ATF7IP: variants seen among roughly 807,000 people sequenced by gnomAD.
The protein encoded by ATF7IP is activating transcription factor 7-interacting protein 1.
In ATF7IP, 23 loss-of-function variants were observed where a neutral mutation model predicts 106.4. That is an observed-to-expected ratio of 0.22 (90% confidence interval 0.16 to 0.31). The LOEUF (loss-of-function observed/expected upper bound fraction) is 0.31, where lower values mean the gene tolerates loss of function less well. Ranked by LOEUF, ATF7IP falls within the 10% of genes least tolerant of loss-of-function variation. ATF7IP has a pLI of 1.00. For synonymous variants in ATF7IP, 542 were observed against 539.0 expected, an observed-to-expected ratio of 1.01 and a Z score of -0.08; for missense variants, 1,334 against 1,524.3, an observed-to-expected ratio of 0.88 and a Z score of 2.08.
At chr12:14,413,813 G>A (rs1479874908) in intron 1 of ATF7IP, among the ~76,000 whole-genome samples, 1 of 151,934 alleles carries the variant, frequency 6.6e-6, no homozygotes, top group Non-Finnish European at 1.5e-5. Flanking sequence ...AATTTATAAG[G>A]CATGGTTGGG....
At chr12:14,416,818 G>A (rs915079979) in intron 1 of ATF7IP, 11 of 705,848 alleles carry the variant, frequency 1.6e-5, no homozygotes, top group African/African-American at 1.6e-4. Flanking sequence ...AGACTATTTC[G>A]GCTTTGAGCC....
chr12:14,474,762 T>C (rs901757003), intron 10 of ATF7IP, among the ~76,000 whole-genome samples: 1 of 152,198 alleles, frequency 6.6e-6, no homozygotes, highest in African/African-American at 2.4e-5. Flanking sequence ...CTGGCTCTGC[T>C]TAGAGTCAGT....
intron 1 of ATF7IP, among the ~76,000 whole-genome samples, chr12:14,374,272 A>ATTTTTTT (rs563859251): frequency 9.5e-6 from 1 of 105,444 alleles, no homozygotes; most frequent in African/African-American, 3.5e-5. Context: ...TAATTTTGTA[A>ATTTTTTT]TTTTTTTTTT....
At chr12:14,430,614 A>T (rs555089371) in intron 2 of ATF7IP, among the ~76,000 whole-genome samples, 1 of 152,048 alleles carries the variant, frequency 6.6e-6, no homozygotes, top group Non-Finnish European at 1.5e-5. Context: ...ATAGTTCCTT[A>T]TCTGTGAATT....
chr12:14,469,777 GA>G (rs897071286), intron 10 of ATF7IP, among the ~76,000 whole-genome samples: 2 of 152,110 alleles, frequency 1.3e-5, no homozygotes, highest in African/African-American at 4.8e-5. Flanking sequence ...GAGCAACAGG[GA>G]AAAAAATTTG....
At chr12:14,390,230 A>G (rs1041693088) in intron 1 of ATF7IP, among the ~76,000 whole-genome samples, 3 of 152,318 alleles carry the variant, frequency 2.0e-5, no homozygotes, top group South Asian at 2.1e-4. Context: ...CATAAGTAAA[A>G]TTTAGCCTAC....
intron 12 of ATF7IP, among the ~76,000 whole-genome samples, 177 bp downstream of exon 12, chr12:14,478,649 G>A (rs1012679463): frequency 1.3e-5 from 2 of 151,986 alleles, no homozygotes; most frequent in Non-Finnish European, 2.9e-5. Context: ...CTTAAGCAGC[G>A]GCACTGGTAA....
Position 14,446,970 on chromosome 12 carries a change from CTT to C in ATF7IP, c.1930-5_1930-4del, listed in dbSNP as rs5796595. 1,718 of 1,212,280 alleles carry C rather than the reference CTT, an allele frequency of 1.4e-3. No homozygotes were observed. The highest frequency in any genetic ancestry group is 3.3e-3 in the South Asian group (181 of 54,170). The allele number at this position is 1,212,280 out of a possible 1,614,324, so 75.1% of individuals were successfully genotyped here. On this transcript the variant is annotated splice_polypyrimidine_tract_variant and intron_variant, in intron 5 of 14. Coordinates refer to ENST00000261168, the MANE Select transcript of ATF7IP (RefSeq NM_018179.5). Reference sequence around the variant, plus strand: ...CTATTTGATTTCCATTCATTTTTGTCTTTTTTTTTTTTTTCAGGCCAAGATAG... The same window carrying C: ...CTATTTGATTTCCATTCATTTTTGTCTTTTTTTTTTTTCAGGCCAAGATAG...
chr12:14,482,755 C>T (rs1944471355), intron 13 of ATF7IP: 1 of 152,182 alleles, frequency 6.6e-6, no homozygotes, highest in South Asian at 2.1e-4. Context: ...TCAGTGTTAA[C>T]CATCACAAGT....
chr12:14,393,506 A>G (rs750511208), intron 1 of ATF7IP, among the ~76,000 whole-genome samples: 2 of 151,702 alleles, frequency 1.3e-5, no homozygotes, highest in African/African-American at 4.8e-5. Context: ...TTTATCATTG[A>G]TAACCTAGAT....
chr12:14,484,381 C>T (rs1944522148), intron 13 of ATF7IP, among the ~76,000 whole-genome samples: 1 of 152,176 alleles, frequency 6.6e-6, no homozygotes, highest in Admixed American at 6.5e-5. Flanking sequence ...GCTGAGGTCA[C>T]CCGTTGGTGA....
intron 1 of ATF7IP, among the ~76,000 whole-genome samples, chr12:14,375,383 GT>G (rs1240837892): frequency 6.6e-6 from 1 of 151,996 alleles, no homozygotes; most frequent in East Asian, 1.9e-4. Context: ...TTAATAAAAA[GT>G]TTCTAAAATA....
intron 13 of ATF7IP, among the ~76,000 whole-genome samples, chr12:14,489,546 C>T (rs1031302325): frequency 3.3e-5 from 5 of 152,066 alleles, no homozygotes; most frequent in African/African-American, 4.8e-5. Flanking sequence ...CCCTCTGATT[C>T]GTGGACCCAT....
intron 1 of ATF7IP, among the ~76,000 whole-genome samples, chr12:14,399,578 AT>A (rs1379257933): frequency 1.3e-5 from 2 of 150,140 alleles, no homozygotes; most frequent in Non-Finnish European, 3.0e-5. Flanking sequence ...AGCTTTGCTG[AT>A]TTTTTTTAAT....
At chr12:14,419,760 G>A (rs1433462051) in intron 1 of ATF7IP, among the ~76,000 whole-genome samples, 2 of 151,920 alleles carry the variant, frequency 1.3e-5, no homozygotes, top group African/African-American at 2.4e-5. Flanking sequence ...TACAAATTTT[G>A]TATAATTTTG....
At chr12:14,435,898 A>G (rs746157120) in intron 3 of ATF7IP, among the ~76,000 whole-genome samples, 26 of 152,194 alleles carry the variant, frequency 1.7e-4, no homozygotes, top group Non-Finnish European at 3.1e-4. Flanking sequence ...TTGCTTGACC[A>G]TTAGGGAGTT....
At chr12:14,373,813 GT>G (rs980396098) in intron 1 of ATF7IP, among the ~76,000 whole-genome samples, 4 of 151,866 alleles carry the variant, frequency 2.6e-5, no homozygotes, top group African/African-American at 9.7e-5. Context: ...TGTGGTTGGG[GT>G]CCCAGTTATT....
chr12:14,386,467 A>G (rs182921355), intron 1 of ATF7IP, among the ~76,000 whole-genome samples: 1 of 152,152 alleles, frequency 6.6e-6, no homozygotes, highest in Admixed American at 6.5e-5. Context: ...TCCCTGACTT[A>G]TATGACATAG....
intron 1 of ATF7IP, among the ~76,000 whole-genome samples, chr12:14,393,230 CTG>C (rs1939664202): frequency 6.6e-6 from 1 of 152,102 alleles, no homozygotes; most frequent in Non-Finnish European, 1.5e-5. Context: ...AAAATTAAAA[CTG>C]TAAGGTATAT....
Sources: gnomAD v4.1 joint callset for allele counts (sites outside exome capture counted in the v4.1 genomes callset) on GRCh38, gnomAD v4.1.1 for gene constraint, MANE v1.5 for transcripts, NCBI Gene and HGNC (gene_info 2026-07-23, HGNC 2026-07-21) for gene names.